The following PCDHA1 variants were observed in gnomAD, a reference collection of about 807,000 sequenced individuals.
PCDHA1 encodes protocadherin alpha-1.
A neutral mutation model predicts 61.3 loss-of-function variants in PCDHA1; 42 were observed. The observed-to-expected ratio is 0.69, with a 90% confidence interval of 0.54 to 0.89. The LOEUF is 0.89. Among genes scored for constraint, PCDHA1 ranks in the 40% least tolerant of loss-of-function variants. The pLI, the probability that PCDHA1 is intolerant of heterozygous loss-of-function variation, is 0.00. For synonymous variants in PCDHA1, 610 were observed against 553.8 expected, an observed-to-expected ratio of 1.10 and a Z score of -1.43; for missense variants, 1,256 against 1,235.3, an observed-to-expected ratio of 1.02 and a Z score of -0.25.
At chr5:140,963,925 T>C (rs1293339875) in intron 1 of PCDHA1, among the ~76,000 whole-genome samples, 1 of 152,230 alleles carries the variant, frequency 6.6e-6, no homozygotes, top group Non-Finnish European at 1.5e-5. Flanking sequence ...CTAAGTAACA[T>C]GTCCATAGCC....
At chr5:140,833,518 C>A (rs1772496743) in intron 1 of PCDHA1, among the ~76,000 whole-genome samples, 2 of 152,126 alleles carry the variant, frequency 1.3e-5, no homozygotes, top group Non-Finnish European at 2.9e-5. Flanking sequence ...GGCATATATT[C>A]ATAACACACA....
chr5:140,786,658 T>A lies in PCDHA1; in HGVS notation c.368T>A (p.Val123Glu), dbSNP rs782257988. 2.4e-5 allele frequency: 38 copies of A among 1,614,056 alleles called. No individual in the cohort carries two copies. In the East Asian group the frequency reaches 8.5e-4, roughly 36 times the overall value. The change falls in exon 1 of 4, where the codon GTG becomes GAG. Residue 123 changes from valine (V) to glutamate (E), a missense_variant. Val to Glu is a moderately radical substitution (Grantham distance 121). Coordinates refer to ENST00000504120, the MANE Select transcript of PCDHA1 (RefSeq NM_018900.4). The stretch of plus-strand genomic sequence containing the variant: ...CAGGTTTTCCATGTGGAGGTGAAGG[T>A]GAAAGACATTAACGATAATCCACCC... The part of the protein sequence containing the change: ...PLQVFHVEVK[V>E]KDINDNPPVF...
At chr5:140,836,548 G>A in intron 1 of PCDHA1, 2 of 1,613,750 alleles carry the variant, frequency 1.2e-6, no homozygotes, top group Admixed American at 1.7e-5. Flanking sequence ...ACGGCGTTGC[G>A]GTGCTCAGCG....
intron 1 of PCDHA1, chr5:140,841,370 T>C: frequency 1.9e-6 from 3 of 1,613,492 alleles, no homozygotes; most frequent in South Asian, 1.1e-5. Flanking sequence ...ACTACTACTC[T>C]TGCTTCTGCT....
rs202099274 is a variant in PCDHA1 at position 140,842,659 on chromosome 5, C to G, written c.2394+53975C>G. The G allele has an allele frequency of 6.9e-6, 11 of 1,595,186 alleles. No individual in the cohort carries two copies. The South Asian group carries it at 1.2e-4, about 18-fold the overall frequency. ...CCGCCAGCTTGTCTGTGGAGGTGGC[C>G]GACGTGAACGACAATGCTCCGGCGT... On this transcript the variant is annotated intron_variant, in intron 1 of 3. Transcript: ENST00000504120.
chr5:140,807,523 G>T (rs1187036014), intron 1 of PCDHA1: 1 of 1,613,986 alleles, frequency 6.2e-7, no homozygotes, highest in Non-Finnish European at 8.5e-7. Flanking sequence ...TCGTAGACAG[G>T]CCGCTGCAGG....
chr5:140,875,696 T>C (rs2055720575), intron 1 of PCDHA1: 1 of 1,613,958 alleles, frequency 6.2e-7, no homozygotes, highest in Non-Finnish European at 8.5e-7. Flanking sequence ...GGGGACCTTC[T>C]GGAGGTAAAT....
chr5:141,000,419 A>T (rs1394449061), intron 3 of PCDHA1, among the ~76,000 whole-genome samples: 972 of 60,664 alleles, frequency 0.016, 14 homozygotes, highest in African/African-American at 0.023. Flanking sequence ...ATATATATAT[A>T]TATTTTTTTT....
rs1554125205 is a variant in PCDHA1, at chr5:140,809,420, G to T, written c.2394+20736G>T. On this transcript the variant is annotated intron_variant, in intron 1 of 3. Transcript: ENST00000504120. ...GCCCACGCTGGTGTGCTCCAGTGCG[G>T]TGGGGAGCTGGTCATACTCGCAGCA... 3.0e-5 allele frequency: 48 copies of T among 1,614,112 alleles called. No homozygotes were observed. In the East Asian group the frequency reaches 1.0e-3, roughly 35 times the overall value.
chr5:140,886,129 A>G (rs1428853250), intron 1 of PCDHA1, among the ~76,000 whole-genome samples: 1 of 152,224 alleles, frequency 6.6e-6, no homozygotes, highest in Non-Finnish European at 1.5e-5. Flanking sequence ...TTCCGTAACA[A>G]CCAGATTCTT....
chr5:140,882,891 A>C, intron 1 of PCDHA1: 1 of 1,614,230 alleles, frequency 6.2e-7, no homozygotes, highest in East Asian at 2.2e-5. Flanking sequence ...ATTCAGGAAC[A>C]TAGTTTATTA....
intron 1 of PCDHA1, among the ~76,000 whole-genome samples, chr5:140,973,030 C>G (rs1274875201): frequency 1.3e-5 from 2 of 152,014 alleles, no homozygotes; most frequent in African/African-American, 4.8e-5. Context: ...TAATGAGTCA[C>G]TTTGAGTACT....
chr5:140,827,884 A>T, intron 1 of PCDHA1: 1 of 684,502 alleles, frequency 1.5e-6, no homozygotes, highest in East Asian at 2.6e-5. Context: ...ACGTGAATTG[A>T]TTTCTTACCT....
Position 140,979,011 on chromosome 5 carries a change from T to C in PCDHA1, c.2453+4T>C. On this transcript the variant is annotated splice_donor_region_variant and intron_variant, in intron 2 of 3. Coordinates refer to ENST00000504120, the MANE Select transcript of PCDHA1 (RefSeq NM_018900.4). ...CCCTGAGAGCAGGCATGCACAGGTA[T>C]GTATTTCCCTCCTCATTCACTCAGA... The C allele has an allele frequency of 6.2e-7, 1 of 1,613,950 alleles. No homozygotes were observed. The highest frequency in any genetic ancestry group is 8.5e-7 in the Non-Finnish European group (1 of 1,179,938).
At chr5:140,809,335 G>C (rs1764432145) in intron 1 of PCDHA1, 2 of 1,613,974 alleles carry the variant, frequency 1.2e-6, no homozygotes, top group African/African-American at 2.7e-5. Context: ...TCACGCTGCT[G>C]CTGTACACCG....
At chr5:140,833,958 A>G (rs1772734204) in intron 1 of PCDHA1, among the ~76,000 whole-genome samples, 1 of 152,116 alleles carries the variant, frequency 6.6e-6, no homozygotes, top group African/African-American at 2.4e-5. Flanking sequence ...TTTATTTAAA[A>G]CTGTGTGAAA....
chr5:140,999,032 C>T (rs2097843779), intron 3 of PCDHA1, among the ~76,000 whole-genome samples: 1 of 152,236 alleles, frequency 6.6e-6, no homozygotes, highest in South Asian at 2.1e-4. Flanking sequence ...TTTGATACTT[C>T]GTCCAGTGTG....
At chr5:140,881,469 T>C (rs879988017) in intron 1 of PCDHA1, 3 of 570,626 alleles carry the variant, frequency 5.3e-6, no homozygotes, top group Non-Finnish European at 6.7e-6. Context: ...AGCATTGTTG[T>C]GGCTAAATTA....
rs1050286921 is a variant in PCDHA1, at chr5:140,879,863, C to G, written c.2394+91179C>G. Among the ~76,000 whole-genome samples, 24 of 152,218 alleles carry G rather than the reference C, an allele frequency of 1.6e-4. 1 individual carries two copies. Among genetic ancestry groups the G allele is most frequent in the Non-Finnish European group, 5.9e-5 (4 of 68,034 alleles). Reference sequence around the variant, plus strand: ...ACCACTCCCATCTCAGCCTTCTCAGCTTTCATGGTCACATTGCCTCCTCCT... The same window carrying G: ...ACCACTCCCATCTCAGCCTTCTCAGGTTTCATGGTCACATTGCCTCCTCCT... On this transcript the variant is annotated intron_variant, in intron 1 of 3. Coordinates refer to ENST00000504120, the MANE Select transcript of PCDHA1 (RefSeq NM_018900.4).
Sources: gnomAD v4.1 joint callset for allele counts (sites outside exome capture counted in the v4.1 genomes callset) on GRCh38, gnomAD v4.1.1 for gene constraint, MANE v1.5 for transcripts, NCBI Gene and HGNC (gene_info 2026-07-23, HGNC 2026-07-21) for gene names.